Variants in MEF2C observed in about 807,000 individuals in gnomAD.
MEF2C encodes the protein myocyte enhancer factor 2C, also known as myocyte-specific enhancer factor 2C.
MEF2C carries 6 observed loss-of-function variants against 50.5 expected under a neutral mutation model. The observed-to-expected ratio is 0.12, with a 90% CI of 0.07 to 0.23. The LOEUF (loss-of-function observed/expected upper bound fraction) is 0.23, where lower values mean the gene tolerates loss of function less well. Among genes scored for constraint, MEF2C ranks in the 10% least tolerant of loss-of-function variants. The pLI is 1.00. For missense variants in MEF2C, 276 were observed against 605.0 expected, an observed-to-expected ratio of 0.46 and a Z score of 5.70; for synonymous variants, 183 against 228.0, an observed-to-expected ratio of 0.80 and a Z score of 1.78.
chr5:88,785,265 T>C (rs1346231920), intron 3 of MEF2C: 1 of 133,706 alleles, frequency 7.5e-6, no homozygotes, highest in Non-Finnish European at 1.6e-5. Context: ...AGCATTCCCA[T>C]TGCAAAACTG....
intron 3 of MEF2C, among the ~76,000 whole-genome samples, chr5:88,797,196 C>T (rs1014143844): frequency 5.3e-5 from 8 of 152,034 alleles, no homozygotes; most frequent in African/African-American, 1.7e-4. Flanking sequence ...TTTTCTGTCT[C>T]GCTGTTCTGT....
chr5:88,789,000 C>T (rs1337268384), intron 3 of MEF2C, among the ~76,000 whole-genome samples: 3 of 152,094 alleles, frequency 2.0e-5, no homozygotes, highest in Non-Finnish European at 4.4e-5. Context: ...GTCTATTTTT[C>T]TATGAAATGG....
chr5:88,737,387 C>A (rs1010439581), intron 6 of MEF2C: 2 of 985,236 alleles, frequency 2.0e-6, no homozygotes, highest in Admixed American at 1.2e-4. Context: ...ACCTGTTAAT[C>A]ATTTCACAGC....
intron 3 of MEF2C, among the ~76,000 whole-genome samples, chr5:88,788,139 G>A (rs1791882508): frequency 6.6e-6 from 1 of 151,706 alleles, no homozygotes. Flanking sequence ...ATCCTTTATT[G>A]GGCTGTATCT....
chr5:88,872,118 C>T (rs773353821), intron 1 of MEF2C, among the ~76,000 whole-genome samples: 2 of 151,558 alleles, frequency 1.3e-5, no homozygotes, highest in Admixed American at 6.6e-5. Flanking sequence ...TCAAAGTTGT[C>T]TAATAAGAAA....
At chr5:88,735,514 T>A (rs1336376350) in intron 6 of MEF2C, 1 of 982,032 alleles carries the variant, frequency 1.0e-6, no homozygotes, top group Non-Finnish European at 1.2e-6. Flanking sequence ...ACAGACCAAC[T>A]TTAGAGTCAG....
At chr5:88,751,797 C>T (rs895715366) in intron 5 of MEF2C, 60 bp downstream of exon 5, 2 of 1,548,058 alleles carry the variant, frequency 1.3e-6, no homozygotes, top group African/African-American at 1.4e-5. Context: ...GCAGTGTTGG[C>T]TTTGCCGAAA....
chr5:88,781,611 G>T (rs1196924398), intron 3 of MEF2C, among the ~76,000 whole-genome samples: 1 of 152,190 alleles, frequency 6.6e-6, no homozygotes, highest in Non-Finnish European at 1.5e-5. Flanking sequence ...GAAAGTGTAA[G>T]GGGAGAGTTT....
intron 1 of MEF2C, among the ~76,000 whole-genome samples, chr5:88,879,381 A>T (rs1232213899): frequency 9.7e-6 from 1 of 103,546 alleles, no homozygotes; most frequent in Non-Finnish European, 1.9e-5. Flanking sequence ...AAATATATAT[A>T]TTATATATAT....
At chr5:88,870,997 TCAAC>T (rs1160840645) in intron 1 of MEF2C, among the ~76,000 whole-genome samples, 1 of 152,124 alleles carries the variant, frequency 6.6e-6, no homozygotes, top group Non-Finnish European at 1.5e-5. Context: ...TTTATGCTGA[TCAAC>T]CACAGTATTG....
chr5:88,753,876 C>A (rs1045641578), intron 4 of MEF2C, among the ~76,000 whole-genome samples: 7 of 152,220 alleles, frequency 4.6e-5, no homozygotes, highest in Non-Finnish European at 8.8e-5. Flanking sequence ...GTCCAGCCCC[C>A]TTTTAACAAC....
At chr5:88,850,689 C>T (rs576180236) in intron 1 of MEF2C, among the ~76,000 whole-genome samples, 7 of 152,018 alleles carry the variant, frequency 4.6e-5, no homozygotes, top group East Asian at 1.9e-4. Flanking sequence ...CACACACACA[C>T]GCACACACAT....
At chr5:88,884,800 A>C (rs1219015028), upstream of MEF2C, among the ~76,000 whole-genome samples, 52 of 48,110 alleles carry the variant, frequency 1.1e-3, no homozygotes, top group Admixed American at 4.4e-3. Context: ...TTTTCCTTAC[A>C]AAAAAAAAAA....
At chr5:88,745,531 C>T (rs564659469) in intron 6 of MEF2C, among the ~76,000 whole-genome samples, 25 of 152,234 alleles carry the variant, frequency 1.6e-4, no homozygotes, top group African/African-American at 5.3e-4. Context: ...ACACTGAGGC[C>T]GGGTGCAGAG....
chr5:88,756,982 T>C (rs1035053329), intron 4 of MEF2C, among the ~76,000 whole-genome samples: 1 of 152,158 alleles, frequency 6.6e-6, no homozygotes, highest in Non-Finnish European at 1.5e-5. Flanking sequence ...AATGAAAATG[T>C]GGGGGCCCTT....
chr5:88,727,534 T>G (rs975103752), intron 10 of MEF2C, among the ~76,000 whole-genome samples: 4 of 152,170 alleles, frequency 2.6e-5, no homozygotes, highest in Admixed American at 6.6e-5. Flanking sequence ...TTATTCTCAC[T>G]GTCTCCTTAG....
At chr5:88,782,833 T>C (rs1424513240) in intron 3 of MEF2C, among the ~76,000 whole-genome samples, 2 of 152,230 alleles carry the variant, frequency 1.3e-5, no homozygotes, top group Non-Finnish European at 2.9e-5. Flanking sequence ...ACGGAGTGTC[T>C]TTCTGATGCC....
At chr5:88,786,979 C>A (rs1791250292) in intron 3 of MEF2C, among the ~76,000 whole-genome samples, 1 of 152,200 alleles carries the variant, frequency 6.6e-6, no homozygotes. Context: ...TCACCAGTAA[C>A]TGGCAGAATG....
At chr5:88,756,302 G>C (rs1489706694) in intron 4 of MEF2C, among the ~76,000 whole-genome samples, 1 of 151,918 alleles carries the variant, frequency 6.6e-6, no homozygotes, top group Non-Finnish European at 1.5e-5. Context: ...ACTTCACCCC[G>C]CCCTGCTACC....
Sources: gnomAD v4.1 joint callset for allele counts (sites outside exome capture counted in the v4.1 genomes callset) on GRCh38, gnomAD v4.1.1 for gene constraint, MANE v1.5 for transcripts, NCBI Gene and HGNC (gene_info 2026-07-23, HGNC 2026-07-21) for gene names.